Variants in PTPRD observed in about 807,000 individuals in gnomAD.
PTPRD encodes the protein protein tyrosine phosphatase receptor type D, also known as receptor-type tyrosine-protein phosphatase delta.
PTPRD carries 34 observed loss-of-function variants against 214.5 expected under a neutral mutation model. The observed-to-expected ratio is 0.16, with a 90% CI of 0.12 to 0.21. PTPRD has a LOEUF of 0.21. Among genes scored for constraint, PTPRD ranks in the 10% least tolerant of loss-of-function variants. The pLI, the probability that PTPRD is intolerant of heterozygous loss-of-function variation, is 1.00. For synonymous variants in PTPRD, 1,128 were observed against 845.7 expected (o/e 1.33, Z -5.79); for missense variants, 2,545 against 2,398.7 (o/e 1.06, Z -1.27).
At chr9:8,685,875 C>G (rs759139369) in intron 12 of PTPRD, among the ~76,000 whole-genome samples, 1 of 152,266 alleles carries the variant, frequency 6.6e-6, no homozygotes, top group Non-Finnish European at 1.5e-5. Flanking sequence ...GAGCACTAGG[C>G]TCCTCTTTAT....
chr9:9,677,747 G>T (rs1054194959), intron 7 of PTPRD, among the ~76,000 whole-genome samples: 8 of 152,080 alleles, frequency 5.3e-5, no homozygotes, highest in African/African-American at 1.9e-4. Context: ...GGAAATAAAG[G>T]GCATTCAATT....
At chr9:8,908,693 G>T (rs984691995) in intron 11 of PTPRD, among the ~76,000 whole-genome samples, 2 of 151,378 alleles carry the variant, frequency 1.3e-5, no homozygotes, top group Non-Finnish European at 3.0e-5. Flanking sequence ...ACTATAAAAA[G>T]AAGAACAAAT....
At chr9:10,047,703 A>G (rs1454603705) in intron 3 of PTPRD, among the ~76,000 whole-genome samples, 1 of 152,072 alleles carries the variant, frequency 6.6e-6, no homozygotes, top group Non-Finnish European at 1.5e-5. Flanking sequence ...AAACACTGGG[A>G]AATTAAGTTT....
intron 12 of PTPRD, among the ~76,000 whole-genome samples, chr9:8,695,332 C>A (rs1376365073): frequency 6.6e-6 from 1 of 152,166 alleles, no homozygotes; most frequent in Non-Finnish European, 1.5e-5. Context: ...TAGCAGGAAA[C>A]TGAGACCACT....
chr9:9,205,163 C>A (rs1302846156), intron 9 of PTPRD, among the ~76,000 whole-genome samples: 4 of 152,122 alleles, frequency 2.6e-5, no homozygotes, highest in Non-Finnish European at 4.4e-5. Flanking sequence ...GAATTTGAAT[C>A]TTTTCTTAAC....
At chr9:9,774,248 C>A (rs1049911693) in intron 5 of PTPRD, among the ~76,000 whole-genome samples, 3 of 152,128 alleles carry the variant, frequency 2.0e-5, no homozygotes, top group Non-Finnish European at 2.9e-5. Flanking sequence ...TTTGTATCAT[C>A]CTAGAGGACT....
At chr9:8,465,738 T>A (rs961321912) in intron 31 of PTPRD, 63 bp from the exon 32 acceptor site, 2 of 1,409,876 alleles carry the variant, frequency 1.4e-6, no homozygotes, top group Non-Finnish European at 1.9e-6. Context: ...TATTGATAAT[T>A]TAATGAGATA....
chr9:8,500,649 G>C, intron 24 of PTPRD, 105 bp downstream of exon 24: 1 of 1,106,292 alleles, frequency 9.0e-7, no homozygotes, highest in Non-Finnish European at 1.3e-6. Context: ...AGCAATGCTG[G>C]GTAAAAAGAT....
In PTPRD at chr9:8,380,274, G is replaced by A. The variant is rs908891426; in HGVS notation, c.4387-3548C>T. On this transcript the variant is annotated intron_variant, in intron 37 of 45. Coordinates refer to ENST00000381196, the MANE Select transcript of PTPRD (RefSeq NM_002839.4). The stretch of plus-strand genomic sequence containing the variant: ...AATCCATTAGCCTTACTGACTAAGT[G>A]GGGTGTTTCTAAACCTCCTTGTTCT... Among the ~76,000 whole-genome samples, 7 of 152,148 alleles carry A rather than the reference G, an allele frequency of 4.6e-5. No homozygotes were observed. In the East Asian group the frequency reaches 9.6e-4, roughly 21 times the overall value.
intron 3 of PTPRD, among the ~76,000 whole-genome samples, chr9:10,196,757 C>A (rs994082163): frequency 6.6e-6 from 1 of 152,110 alleles, no homozygotes; most frequent in Admixed American, 6.6e-5. Flanking sequence ...TGAATGTTTG[C>A]ATACCCCCAG....
intron 9 of PTPRD, among the ~76,000 whole-genome samples, chr9:9,334,141 T>C (rs189593934): frequency 2.4e-4 from 36 of 152,134 alleles, no homozygotes; most frequent in Admixed American, 1.2e-3. Context: ...ATAGATCTCG[T>C]CATCAATTTT....
At chr9:9,681,550 T>C (rs1239539013) in intron 7 of PTPRD, among the ~76,000 whole-genome samples, 1 of 151,738 alleles carries the variant, frequency 6.6e-6, no homozygotes, top group East Asian at 1.9e-4. Context: ...ACCCCACCTA[T>C]CAGGCCCCAT....
intron 8 of PTPRD, among the ~76,000 whole-genome samples, chr9:9,417,264 G>C (rs2077268405): frequency 6.6e-6 from 1 of 152,078 alleles, no homozygotes. Flanking sequence ...TAAAATTAGA[G>C]TTTTAATCTT....
intron 5 of PTPRD, among the ~76,000 whole-genome samples, chr9:9,932,205 C>G (rs1275065865): frequency 6.6e-6 from 1 of 151,066 alleles, no homozygotes; most frequent in Non-Finnish European, 1.5e-5. Context: ...TCCTCACCAG[C>G]AAAAGAACAA....
chr9:9,059,157 A>G lies in PTPRD; in HGVS notation c.-142-40422T>C, dbSNP rs1014318646. Among the ~76,000 whole-genome samples the G allele has an allele frequency of 5.9e-5, 9 of 152,324 alleles. No homozygotes were observed. The East Asian group carries it at 1.7e-3, about 29-fold the overall frequency. On this transcript the variant is annotated intron_variant, in intron 10 of 45. Transcript: ENST00000381196. ...ACAGAAAGCATGCTGGGCAGCACTGAGGACCCAGATGAAGTCAGAAATCAT... is the reference window on the plus strand; with the variant it reads ...ACAGAAAGCATGCTGGGCAGCACTGGGGACCCAGATGAAGTCAGAAATCAT...
At chr9:8,619,997 C>T (rs146020193) in intron 14 of PTPRD, among the ~76,000 whole-genome samples, 242 of 152,118 alleles carry the variant, frequency 1.6e-3, no homozygotes, top group African/African-American at 5.6e-3. Context: ...AACTTGTAGC[C>T]TCTCCAGACA....
rs1599055781 is a variant in PTPRD, at chr9:9,831,545, T to C, written c.-367-64694A>G. Among the ~76,000 whole-genome samples the C allele has an allele frequency of 3.9e-5, 6 of 152,046 alleles. No individual in the cohort carries two copies. In the South Asian group the frequency reaches 8.3e-4, roughly 21 times the overall value. ...TCTGATAGGGTTGCTCATCGTAAGA[T>C]TGAAGATGATGATATTCTTTTTCCT... On this transcript the variant is annotated intron_variant, in intron 5 of 45. Coordinates refer to ENST00000381196, the MANE Select transcript of PTPRD (RefSeq NM_002839.4).
At chr9:9,474,246 T>C (rs772982738) in intron 8 of PTPRD, among the ~76,000 whole-genome samples, 1 of 152,134 alleles carries the variant, frequency 6.6e-6, no homozygotes, top group Non-Finnish European at 1.5e-5. Flanking sequence ...GGTACCTCTA[T>C]AGAAAATCAG....
chr9:10,109,262 A>G (rs1303965723), intron 3 of PTPRD, among the ~76,000 whole-genome samples: 1 of 152,162 alleles, frequency 6.6e-6, no homozygotes, highest in East Asian at 1.9e-4. Flanking sequence ...TCTCATACGG[A>G]TGCAGAGAAG....
Sources: allele counts gnomAD v4.1 joint callset (sites outside exome capture counted in the v4.1 genomes callset), GRCh38; gene constraint gnomAD v4.1.1; transcripts MANE v1.5; gene names NCBI Gene and HGNC (gene_info 2026-07-23, HGNC 2026-07-21).